ZSCAN1: variants seen among roughly 807,000 people sequenced by gnomAD.
ZSCAN1 encodes zinc finger and SCAN domain-containing protein 1.
Under a neutral mutation model 23.8 loss-of-function variants are expected in ZSCAN1, and 23 were observed. The ratio of observed to expected loss-of-function variants is 0.97; its 90% CI spans 0.70 to 1.37. ZSCAN1 has a LOEUF of 1.37. ZSCAN1 is among the 40% of genes most tolerant of loss of function. The pLI is 0.00. For missense variants in ZSCAN1, 575 were observed against 554.0 expected (o/e 1.04, Z -0.38); for synonymous variants, 236 against 232.3 (o/e 1.02, Z -0.15).
At chr19:58,039,884 C>T (rs1361934567) in intron 3 of ZSCAN1, among the ~76,000 whole-genome samples, 1 of 151,690 alleles carries the variant, frequency 6.6e-6, no homozygotes, top group East Asian at 1.9e-4. Flanking sequence ...TGGCCGTGAT[C>T]TTGAATTTTT....
intron 4 of ZSCAN1, among the ~76,000 whole-genome samples, chr19:58,042,635 G>T (rs1336857399): frequency 6.6e-6 from 1 of 152,142 alleles, no homozygotes; most frequent in Non-Finnish European, 1.5e-5. Flanking sequence ...GCATCTAACG[G>T]AGGCATCTAA....
In ZSCAN1 at chr19:58,037,858, C is replaced by T; in HGVS notation, c.22C>T (p.Pro8Ser). The T allele has an allele frequency of 1.3e-6, 2 of 1,510,314 alleles. No individual in the cohort carries two copies. Among genetic ancestry groups the T allele is most frequent in the Non-Finnish European group, 1.8e-6 (2 of 1,131,800 alleles). The allele number at this position is 1,510,314 out of a possible 1,614,324, so 93.6% of individuals were successfully genotyped here. The change falls in exon 3 of 6, where the codon CCT becomes TCT. Residue 8 changes from proline (P) to serine (S), a missense_variant. By Grantham distance (74) the Pro-to-Ser change is moderately conservative (BLOSUM62 -1). Coordinates refer to ENST00000282326, the MANE Select transcript of ZSCAN1 (RefSeq NM_182572.4). MLPRPKA[P>S]ASPRRPQTPT... ...AGAAATGCTTCCACGGCCCAAAGCC[C>T]CTGCCTCCCCCAGACGCCCCCAGAC...
chr19:58,041,648 G>A (rs138906396), intron 4 of ZSCAN1, among the ~76,000 whole-genome samples: 1 of 152,248 alleles, frequency 6.6e-6, no homozygotes, highest in African/African-American at 2.4e-5. Context: ...ACGGGAGGCT[G>A]AGGTGGGAGG....
intron 4 of ZSCAN1, chr19:58,044,563 C>A: frequency 1.6e-6 from 1 of 639,228 alleles, no homozygotes; most frequent in Non-Finnish European, 2.6e-6. Flanking sequence ...CGCAGGAGGC[C>A]CGAGCGGCCG....
rs199732051 is a variant in ZSCAN1 at position 58,053,487 on chromosome 19, C to G, written c.663C>G (p.Leu221=). ...TCTGGGACGAGCCTGAGGACCTTCT[C>G]GCAGGGCCCTCCTCAGACCTGCGGG... ...PSIWDEPEDL[L]AGPSSDLRAE... is the part of the protein sequence containing the mutation. The change falls in exon 6 of 6, where the codon CTC becomes CTG. Residue 221 remains leucine (L), a synonymous_variant. Coordinates refer to ENST00000282326, the MANE Select transcript of ZSCAN1 (RefSeq NM_182572.4). This position sits in a 1 kb window ranked among gnomAD's most constrained non-coding sequence, Gnocchi z 5.8. 6.2e-7 allele frequency: 1 copy of G among 1,614,048 alleles called. No homozygotes were observed. The highest frequency in any genetic ancestry group is 1.3e-5 in the African/African-American group (1 of 75,038).
chr19:58,042,246 G>T (rs995624848), intron 4 of ZSCAN1, among the ~76,000 whole-genome samples: 14 of 151,834 alleles, frequency 9.2e-5, no homozygotes, highest in African/African-American at 2.7e-4. Context: ...AGTCTTTGAA[G>T]AGGAACTTCT....
Position 58,045,347 on chromosome 19 carries a change from G to A in ZSCAN1, c.465+4803G>A. ...AGGAGAAGAGGCTGAAGGAGCTTCA[G>A]GTCAAGCTGGAGCTAGCCGAGTTCC... is the stretch of plus-strand genomic sequence containing the variant. On this transcript the variant is annotated intron_variant, in intron 4 of 5. Coordinates refer to ENST00000282326, the MANE Select transcript of ZSCAN1 (RefSeq NM_182572.4). The surrounding 1 kb of genome is among the most constrained non-coding windows in gnomAD (Gnocchi z 4.3). 1.2e-6 allele frequency: 1 copy of A among 808,726 alleles called. No homozygotes were observed. The highest frequency in any genetic ancestry group is 1.3e-5 in the South Asian group (1 of 75,104). 50.1% of individuals were successfully genotyped at this position (808,726 alleles called of 1,614,324 possible).
At position 58,040,602 on chromosome 19, in the gene ZSCAN1, T is replaced by G; in HGVS notation, c.465+58T>G. 1 of 1,554,776 alleles carries G rather than the reference T, an allele frequency of 6.4e-7. No individual in the cohort carries two copies. The highest frequency in any genetic ancestry group is 8.9e-7 in the Non-Finnish European group (1 of 1,128,962). On this transcript the variant is annotated intron_variant, in intron 4 of 5. Coordinates refer to ENST00000282326, the MANE Select transcript of ZSCAN1 (RefSeq NM_182572.4). This position sits in a 1 kb window ranked among gnomAD's most constrained non-coding sequence, Gnocchi z 5.8. Reference sequence around the variant, plus strand: ...CACCCCAGGGCATGCGTGCCGCTTCTGGGACGGCCTCAAGGATGCCCCATC... The same window carrying G: ...CACCCCAGGGCATGCGTGCCGCTTCGGGGACGGCCTCAAGGATGCCCCATC...
intron 4 of ZSCAN1, among the ~76,000 whole-genome samples, chr19:58,042,288 T>C (rs1190379972): frequency 6.6e-6 from 1 of 151,840 alleles, no homozygotes; most frequent in Non-Finnish European, 1.5e-5. Context: ...AATGGAGTCT[T>C]GCTCTGTAGC....
Position 58,040,081 on chromosome 19 carries a change from T to C in ZSCAN1, c.371-369T>C, listed in dbSNP as rs2073775231. On this transcript the variant is annotated intron_variant, in intron 3 of 5. Coordinates refer to ENST00000282326, the MANE Select transcript of ZSCAN1 (RefSeq NM_182572.4). This position sits in a 1 kb window ranked among gnomAD's most constrained non-coding sequence, Gnocchi z 5.8. ...CTGTCAATGGTGTCCTGAACCCTGC[T>C]TCAGCAGTCGTCCTCTGTGCACTCT... 6.6e-6 allele frequency among the ~76,000 whole-genome samples: 1 copy of C among 152,182 alleles called. No homozygotes were observed. Among genetic ancestry groups the C allele is most frequent in the Admixed American group, 6.5e-5 (1 of 15,282 alleles).
At position 58,038,164 on chromosome 19, in the gene ZSCAN1, G is replaced by A. The variant is rs747158891; in HGVS notation, c.328G>A (p.Ala110Thr). The A allele has an allele frequency of 1.3e-5, 21 of 1,607,770 alleles. No homozygotes were observed. Among genetic ancestry groups the A allele is most frequent in the Non-Finnish European group, 1.7e-5 (20 of 1,178,594 alleles). ...GGGCCCCCGAAGCTGCAGGGAGGCC[G>A]CCAGCCTGGTGGAGGACCTCACACA... ...SQGPRSCREA[A>T]SLVEDLTQMC... is the part of the protein sequence containing the mutation. Residue 110 changes from alanine to threonine, a missense_variant, in exon 3 of 6, where the codon GCC (alanine) becomes ACC (threonine). Transcript: ENST00000282326.
In ZSCAN1 at chr19:58,038,318, C is replaced by T. The variant is rs567649530; in HGVS notation, c.370+112C>T. On this transcript the variant is annotated intron_variant, in intron 3 of 5. Coordinates refer to ENST00000282326, the MANE Select transcript of ZSCAN1 (RefSeq NM_182572.4). ...GCTCCCACCCCTGCCCGGCCCCTCC[C>T]GACCAGCAAACCTCTCCTGCCCCGC... The T allele has an allele frequency of 5.7e-6, 8 of 1,401,342 alleles. No homozygotes were observed. In the Admixed American group the frequency reaches 1.6e-4, roughly 28 times the overall value. 86.8% of individuals were successfully genotyped at this position (1,401,342 alleles called of 1,614,324 possible). A position where few individuals can be genotyped will look rare whatever the true frequency, so the allele number is the denominator to read the frequency against.
At chr19:58,038,659 A>G (rs1326207726) in intron 3 of ZSCAN1, among the ~76,000 whole-genome samples, 1 of 152,160 alleles carries the variant, frequency 6.6e-6, no homozygotes, top group Non-Finnish European at 1.5e-5. Context: ...GAGCTGGGAA[A>G]TTTGGGGTTG....
At chr19:58,050,102 C>A in intron 4 of ZSCAN1, among the ~76,000 whole-genome samples, 1 of 143,602 alleles carries the variant, frequency 7.0e-6, no homozygotes, top group Non-Finnish European at 1.6e-5. Context: ...TTTTTTTTTT[C>A]CAAAATAACC....
chr19:58,041,945 C>T (rs1011509242), intron 4 of ZSCAN1, among the ~76,000 whole-genome samples: 6 of 152,134 alleles, frequency 3.9e-5, no homozygotes, highest in East Asian at 1.9e-4. Context: ...CTGAGGCAGG[C>T]GGATCACAAG....
At position 58,047,589 on chromosome 19, in the gene ZSCAN1, A is replaced by C. The variant is rs550573511; in HGVS notation, c.466-4901A>C. On this transcript the variant is annotated intron_variant, in intron 4 of 5. Coordinates refer to ENST00000282326, the MANE Select transcript of ZSCAN1 (RefSeq NM_182572.4). The surrounding 1 kb of genome is among the most constrained non-coding windows in gnomAD (Gnocchi z 4.9). The stretch of plus-strand genomic sequence containing the variant: ...GGGGCTGCAGTGGATTTACTGTGTC[A>C]GGGATGAGCCTGGCTCGGGTTGGTG... 3.5e-4 allele frequency among the ~76,000 whole-genome samples: 53 copies of C among 152,288 alleles called. No individual in the cohort carries two copies. The highest frequency in any genetic ancestry group is 1.2e-3 in the African/African-American group (50 of 41,564).
rs887597916 is a variant in ZSCAN1 at position 58,054,094 on chromosome 19, G to C, written c.*43G>C. 2.1e-6 allele frequency: 3 copies of C among 1,445,950 alleles called. No individual in the cohort carries two copies. Among genetic ancestry groups the C allele is most frequent in the Non-Finnish European group, 1.8e-6 (2 of 1,101,676 alleles). 89.6% of individuals were successfully genotyped at this position (1,445,950 alleles called of 1,614,324 possible). ...TCGGCCACCCGGCCCTGAGTCCCTGGGGGGAGCTGATGGGCCCCAGAAGAT... is the reference window on the plus strand; with the variant it reads ...TCGGCCACCCGGCCCTGAGTCCCTGCGGGGAGCTGATGGGCCCCAGAAGAT... On this transcript the variant is annotated 3_prime_UTR_variant, in exon 6 of 6. Transcript: ENST00000282326. The surrounding 1 kb of genome is among the most constrained non-coding windows in gnomAD (Gnocchi z 4.2).
chr19:58,037,843 C>A lies in ZSCAN1; in HGVS notation c.7C>A (p.Pro3Thr), dbSNP rs778283663. The change falls in exon 3 of 6, where the codon CCA becomes ACA. Residue 3 changes from proline to threonine, a missense_variant. By Grantham distance (38) the Pro-to-Thr change is conservative. Transcript: ENST00000282326. The stretch of plus-strand genomic sequence containing the variant: ...GGGCACTGTGGCCAGAGAAATGCTT[C>A]CACGGCCCAAAGCCCCTGCCTCCCC... Reference protein sequence around the residue: MLPRPKAPASPRR... With the variant: MLTRPKAPASPRR... 6.7e-7 allele frequency: 1 copy of A among 1,483,274 alleles called. No individual in the cohort carries two copies. Among genetic ancestry groups the A allele is most frequent in the Non-Finnish European group, 8.9e-7 (1 of 1,118,348 alleles). The allele number at this position is 1,483,274 out of a possible 1,614,324, so 91.9% of individuals were successfully genotyped here.
chr19:58,050,264 G>A (rs773089472), intron 4 of ZSCAN1, among the ~76,000 whole-genome samples: 3 of 151,760 alleles, frequency 2.0e-5, no homozygotes, highest in Non-Finnish European at 2.9e-5. Context: ...GTGAAGCCTC[G>A]TCTCTACCAA....
Sources: gnomAD v4.1 joint callset for allele counts (sites outside exome capture counted in the v4.1 genomes callset) on GRCh38, gnomAD v4.1.1 for gene constraint, Gnocchi (gnomAD v3.1) non-coding constraint, MANE v1.5 for transcripts, NCBI Gene and HGNC (gene_info 2026-07-23, HGNC 2026-07-21) for gene names.